The following PRLR variants were observed in gnomAD, a reference collection of about 807,000 sequenced individuals.
PRLR encodes prolactin receptor.
A neutral mutation model predicts 40.2 loss-of-function variants in PRLR; 13 were observed. The ratio of observed to expected loss-of-function variants is 0.32; its 90% CI spans 0.21 to 0.51. PRLR has a LOEUF of 0.51. PRLR is among the 20% of genes least tolerant of loss of function. The pLI, the probability that PRLR is intolerant of heterozygous loss-of-function variation, is 0.97. For missense variants in PRLR, 656 were observed against 747.3 expected, an observed-to-expected ratio of 0.88 and a Z score of 1.42; for synonymous variants, 269 against 278.7, an observed-to-expected ratio of 0.97 and a Z score of 0.35.
At chr5:35,134,107 A>G (rs921855911) in intron 1 of PRLR, among the ~76,000 whole-genome samples, 1 of 152,162 alleles carries the variant, frequency 6.6e-6, no homozygotes, top group Non-Finnish European at 1.5e-5. Flanking sequence ...TGATGGGTGC[A>G]CCAAAATCTC....
chr5:35,086,102 C>G, intron 4 of PRLR, 106 bp downstream of exon 4: 1 of 1,378,744 alleles, frequency 7.3e-7, no homozygotes, highest in Admixed American at 1.9e-5. Context: ...ATGAACCTTA[C>G]TGGTGTAAAT....
intron 1 of PRLR, among the ~76,000 whole-genome samples, chr5:35,137,620 A>G (rs146569580): frequency 2.6e-5 from 4 of 152,356 alleles, no homozygotes; most frequent in African/African-American, 9.6e-5. Context: ...ATTTGAGTGC[A>G]TATCATGAAA....
intron 1 of PRLR, among the ~76,000 whole-genome samples, chr5:35,159,161 A>G (rs77069262): frequency 0.029 from 4,368 of 152,128 alleles, 92 homozygotes; most frequent in Middle Eastern, 0.1. Context: ...AGAGATCTGG[A>G]TTACAGTTCT....
At position 35,065,738 on chromosome 5, in the gene PRLR, T is replaced by G; in HGVS notation, c.1220A>C (p.His407Pro). The part of the protein sequence containing the change: ...ISMEGKIPYF[H>P]AGGSKCSTWP... ...TGTTGAACATTTGGATCCACCAGCA[T>G]GAAAATAGGGGATTTTGCCTTCCAT... Residue 407 changes from histidine (H) to proline (P), a missense_variant, in exon 10 of 10, where the codon CAT (histidine) becomes CCT (proline). By Grantham distance (77) the His-to-Pro change is moderately conservative. Around this residue, in one of 3 missense-constraint regions of PRLR, gnomAD observed 469 missense variants for 491.5 expected, o/e 0.95. Coordinates refer to ENST00000618457, the MANE Select transcript of PRLR (RefSeq NM_000949.7). The G allele has an allele frequency of 6.2e-7, 1 of 1,614,124 alleles. No homozygotes were observed. Among genetic ancestry groups the G allele is most frequent in the Non-Finnish European group, 8.5e-7 (1 of 1,180,004 alleles).
At chr5:35,050,610 A>T (rs1406322216) in intron 8 of PRLR, among the ~76,000 whole-genome samples, 1 of 152,198 alleles carries the variant, frequency 6.6e-6, no homozygotes, top group South Asian at 2.1e-4. Context: ...AAACTTGGAA[A>T]TTCTGTTGTC....
At chr5:35,077,305 C>G (rs1392141198) in intron 5 of PRLR, among the ~76,000 whole-genome samples, 2 of 152,106 alleles carry the variant, frequency 1.3e-5, no homozygotes, top group East Asian at 3.8e-4. Context: ...AGACCCATTT[C>G]CCATGCAGAG....
chr5:35,164,002 G>A (rs1774749295), intron 1 of PRLR, among the ~76,000 whole-genome samples: 1 of 152,214 alleles, frequency 6.6e-6, no homozygotes, highest in Non-Finnish European at 1.5e-5. Context: ...TTCATATACT[G>A]AAAACATGTG....
At chr5:35,113,582 A>G (rs1174736118) in intron 2 of PRLR, among the ~76,000 whole-genome samples, 1 of 152,212 alleles carries the variant, frequency 6.6e-6, no homozygotes, top group Non-Finnish European at 1.5e-5. Context: ...CCATCTGTTA[A>G]TCCTTCAACA....
At chr5:35,223,442 G>T (rs758598529) in intron 1 of PRLR, among the ~76,000 whole-genome samples, 5 of 151,992 alleles carry the variant, frequency 3.3e-5, no homozygotes, top group African/African-American at 1.2e-4. Context: ...AGCTTCTCAG[G>T]TGATTCTGAT....
rs550721518 is a variant in PRLR at position 35,174,407 on chromosome 5, A to G, written c.-106+55861T>C. Among the ~76,000 whole-genome samples, 17 of 152,184 alleles carry G rather than the reference A, an allele frequency of 1.1e-4. No individual in the cohort carries two copies. In the South Asian group the frequency reaches 3.3e-3, roughly 30 times the overall value. ...GTCTGGACACTTTGGGTTTTTTTCT[A>G]CATCGACACATGCAGCTCTGGTTTA... On this transcript the variant is annotated intron_variant, in intron 1 of 9. Coordinates refer to ENST00000618457, the MANE Select transcript of PRLR (RefSeq NM_000949.7).
intron 4 of PRLR, among the ~76,000 whole-genome samples, chr5:35,085,643 AC>A (rs908989062): frequency 2.0e-5 from 3 of 152,112 alleles, no homozygotes; most frequent in African/African-American, 7.2e-5. Flanking sequence ...AACCTAATAT[AC>A]CACATTTGTC....
chr5:35,190,980 T>C (rs1775584591), intron 1 of PRLR, among the ~76,000 whole-genome samples: 2 of 151,604 alleles, frequency 1.3e-5, no homozygotes, highest in South Asian at 4.2e-4. Context: ...TATACTATGA[T>C]GACCAAAACA....
intron 1 of PRLR, among the ~76,000 whole-genome samples, chr5:35,173,183 T>C (rs1334181005): frequency 6.6e-6 from 1 of 152,106 alleles, no homozygotes; most frequent in East Asian, 1.9e-4. Flanking sequence ...CCCAGCCCAT[T>C]TGTGGTATAA....
chr5:35,052,578 G>T (rs1042189182), downstream of PRLR, among the ~76,000 whole-genome samples: 5 of 152,134 alleles, frequency 3.3e-5, no homozygotes, highest in African/African-American at 1.2e-4. Context: ...CCCAAGGCAG[G>T]TCATGGAAAC....
At chr5:35,193,021 G>A (rs373665667) in intron 1 of PRLR, among the ~76,000 whole-genome samples, 1 of 152,208 alleles carries the variant, frequency 6.6e-6, no homozygotes, top group African/African-American at 2.4e-5. Context: ...TGAAGAGTCT[G>A]AGCCTGGCAC....
intron 1 of PRLR, among the ~76,000 whole-genome samples, chr5:35,194,019 G>A (rs766586095): frequency 2.0e-5 from 3 of 152,188 alleles, no homozygotes; most frequent in Non-Finnish European, 4.4e-5. Flanking sequence ...TGGTGGCAAA[G>A]TGGTGAATTC....
intron 1 of PRLR, among the ~76,000 whole-genome samples, chr5:35,159,320 GAAA>G (rs34465230): frequency 0.62 from 84,604 of 137,318 alleles, 26,602 homozygotes; most frequent in South Asian, 0.78. Context: ...ATCAAGATAG[GAAA>G]AAAAAAAAAA....
intron 2 of PRLR, among the ~76,000 whole-genome samples, chr5:35,107,200 C>G (rs1283192123): frequency 6.6e-6 from 1 of 152,106 alleles, no homozygotes; most frequent in East Asian, 1.9e-4. Flanking sequence ...CACTACATAC[C>G]AGAATCTCTG....
intron 1 of PRLR, among the ~76,000 whole-genome samples, chr5:35,148,889 G>A (rs1774261428): frequency 6.6e-6 from 1 of 151,952 alleles, no homozygotes; most frequent in African/African-American, 2.4e-5. Flanking sequence ...TACCGTGTAA[G>A]TTCTAAGGGG....
Sources: allele counts gnomAD v4.1 joint callset (sites outside exome capture counted in the v4.1 genomes callset), GRCh38; gene constraint gnomAD v4.1.1; regional missense constraint gnomAD v4.1.1; transcripts MANE v1.5; gene names NCBI Gene and HGNC (gene_info 2026-07-23, HGNC 2026-07-21).